CC2D1A: variants seen among roughly 807,000 people sequenced by gnomAD.
The protein encoded by CC2D1A is coiled-coil and C2 domain-containing protein 1A.
In CC2D1A, 68 loss-of-function variants were observed where a neutral mutation model predicts 123.8. That is an observed-to-expected ratio of 0.55 (90% CI 0.45 to 0.67). The LOEUF is 0.67. Among genes scored for constraint, CC2D1A ranks in the 30% least tolerant of loss-of-function variants. CC2D1A has a pLI of 0.00. For synonymous variants in CC2D1A, 477 were observed against 528.0 expected, an observed-to-expected ratio of 0.90 and a Z score of 1.32; for missense variants, 1,185 against 1,290.3, an observed-to-expected ratio of 0.92 and a Z score of 1.25.
At chr19:13,918,216 G>A (rs780152234) in intron 7 of CC2D1A, 22 bp downstream of exon 7, 3 of 1,531,492 alleles carry the variant, frequency 2.0e-6, no homozygotes, top group South Asian at 1.2e-5. Flanking sequence ...CTGACGGACA[G>A]GACTGGAGGG....
At chr19:13,928,910 T>C (rs942543406) in intron 24 of CC2D1A, among the ~76,000 whole-genome samples, 15 of 151,970 alleles carry the variant, frequency 9.9e-5, no homozygotes, top group African/African-American at 3.6e-4. Flanking sequence ...GGTTTCTCCA[T>C]GTTGGTCAGG....
Position 13,927,039 on chromosome 19 carries a change from C to A in CC2D1A, c.2187C>A (p.Ile729=), listed in dbSNP as rs957465946. ...NRSHRGFRRA[I]QTKGIKFEVV... ...GCCACCGTGGCTTCCGAAGGGCCAT[C>A]CAGACCAAGGGCATCAAGTTCGAAG... The change falls in exon 21 of 29, where the codon ATC becomes ATA. Residue 729 remains isoleucine, a synonymous_variant. Transcript: ENST00000318003. 1.5e-5 allele frequency: 24 copies of A among 1,614,138 alleles called. No individual in the cohort carries two copies. Among genetic ancestry groups the A allele is most frequent in the Non-Finnish European group, 2.0e-5 (24 of 1,180,028 alleles).
intron 14 of CC2D1A, among the ~76,000 whole-genome samples, chr19:13,921,983 G>A (rs1298586692): frequency 6.6e-6 from 1 of 151,716 alleles, no homozygotes; most frequent in South Asian, 2.1e-4. Context: ...CCCTTGCCTG[G>A]TCTCTTTCTT....
At chr19:13,925,959 TACAC>T (rs1243133194) in intron 17 of CC2D1A, among the ~76,000 whole-genome samples, 23 of 120,398 alleles carry the variant, frequency 1.9e-4, no homozygotes, top group African/African-American at 8.8e-4. Flanking sequence ...TATATATATA[TACAC>T]GTATATATAT....
In CC2D1A at chr19:13,927,282, C is replaced by T; in HGVS notation, c.2316+17C>T. On this transcript the variant is annotated intron_variant, in intron 22 of 28. Transcript: ENST00000318003. ...ATCCTTGAGGTGAGAGGTGGACATT[C>T]ATCCGCGTGCTCCGGTATGGCCATG... 1 of 1,593,518 alleles carries T rather than the reference C, an allele frequency of 6.3e-7. No homozygotes were observed. The highest frequency in any genetic ancestry group is 8.6e-7 in the Non-Finnish European group (1 of 1,161,326).
chr19:13,911,255 G>A (rs1392616663), intron 2 of CC2D1A, among the ~76,000 whole-genome samples: 2 of 152,132 alleles, frequency 1.3e-5, no homozygotes, highest in Admixed American at 6.6e-5. Flanking sequence ...AGATTCACAG[G>A]AACCTAAGCT....
rs1241488940 is a variant in CC2D1A, at chr19:13,926,883, G to C, written c.2125+11G>C. 1.2e-6 allele frequency: 2 copies of C among 1,613,912 alleles called. No homozygotes were observed. Among genetic ancestry groups the C allele is most frequent in the Admixed American group, 3.3e-5 (2 of 59,986 alleles). On this transcript the variant is annotated intron_variant, in intron 20 of 28. Transcript: ENST00000318003. ...ACACAGACTCCCCTGGTGAGCCTCG[G>C]CTGGAAGCACCCTACCCCTACTCCC...
Position 13,928,163 on chromosome 19 carries a change from G to A in CC2D1A, c.2494G>A (p.Ala832Thr). The A allele has an allele frequency of 1.2e-6, 2 of 1,613,446 alleles. No homozygotes were observed. Among genetic ancestry groups the A allele is most frequent in the South Asian group, 2.2e-5 (2 of 91,068 alleles). Residue 832 changes from alanine (A) to threonine (T), a missense_variant, in exon 24 of 29, where the codon GCC becomes ACC. Transcript: ENST00000318003. ...CAAAGGGAAGGCCCCTCCTGTGCCT[G>A]CCCCTGCAAGGGAGTCAGGGAACAG... ...GPKGKAPPVP[A>T]PARESGNRSA... is the part of the protein sequence containing the mutation.
intron 2 of CC2D1A, among the ~76,000 whole-genome samples, chr19:13,911,250 C>A (rs1376484414): frequency 6.6e-6 from 1 of 152,138 alleles, no homozygotes; most frequent in Non-Finnish European, 1.5e-5. Context: ...ACTGGAGATT[C>A]ACAGGAACCT....
At chr19:13,917,605 A>G (rs941644982) in intron 6 of CC2D1A, among the ~76,000 whole-genome samples, 2 of 151,902 alleles carry the variant, frequency 1.3e-5, no homozygotes, top group African/African-American at 4.8e-5. Context: ...TTAGCCAGAA[A>G]TTGGGAGGCG....
chr19:13,920,248 C>T, intron 12 of CC2D1A: 3 of 515,496 alleles, frequency 5.8e-6, no homozygotes, highest in Non-Finnish European at 1.0e-5. Flanking sequence ...AAGACCTCAT[C>T]TCCAAGACAA....
At chr19:13,924,126 C>G (rs769166071) in intron 17 of CC2D1A, among the ~76,000 whole-genome samples, 3 of 152,124 alleles carry the variant, frequency 2.0e-5, no homozygotes, top group Non-Finnish European at 4.4e-5. Flanking sequence ...TTGGTACTAT[C>G]AAGTCTTCCC....
At chr19:13,912,890 C>T (rs964618455) in intron 4 of CC2D1A, among the ~76,000 whole-genome samples, 2 of 152,184 alleles carry the variant, frequency 1.3e-5, no homozygotes, top group African/African-American at 2.4e-5. Flanking sequence ...AAGTGATCCA[C>T]CTGCCTTGGC....
chr19:13,913,358 C>T (rs537472455), intron 5 of CC2D1A, 46 bp from the exon 6 acceptor site: 1 of 1,608,180 alleles, frequency 6.2e-7, no homozygotes, highest in Non-Finnish European at 8.5e-7. Flanking sequence ...ATGCCCTGCA[C>T]CAAGCTCTTG....
chr19:13,917,313 A>G (rs553893168), intron 6 of CC2D1A, among the ~76,000 whole-genome samples: 11 of 152,190 alleles, frequency 7.2e-5, no homozygotes, highest in Non-Finnish European at 1.2e-4. Context: ...CTACAAAAAA[A>G]AATAAAAAAC....
intron 2 of CC2D1A, among the ~76,000 whole-genome samples, chr19:13,910,695 G>A (rs1599379003): frequency 6.6e-6 from 1 of 152,144 alleles, no homozygotes; most frequent in Non-Finnish European, 1.5e-5. Context: ...CAGATCACTT[G>A]GGGCCAGGAG....
Position 13,923,877 on chromosome 19 carries a change from T to G in CC2D1A, c.1940+66T>G. ...GCCCTTTGGTGGCGGTGGGGCGGGTTGTGCTCCCCAGAAGCTGGCACAAGA... is the reference window on the plus strand; with the variant it reads ...GCCCTTTGGTGGCGGTGGGGCGGGTGGTGCTCCCCAGAAGCTGGCACAAGA... On this transcript the variant is annotated intron_variant, in intron 17 of 28. Transcript: ENST00000318003. The surrounding 1 kb of genome is among the most constrained non-coding windows in gnomAD (Gnocchi z 5.3). 13 of 1,206,154 alleles carry G rather than the reference T, an allele frequency of 1.1e-5. No homozygotes were observed. The highest frequency in any genetic ancestry group is 1.5e-5 in the Non-Finnish European group (12 of 815,066). The allele number at this position is 1,206,154 out of a possible 1,614,324, so 74.7% of individuals were successfully genotyped here.
intron 1 of CC2D1A, among the ~76,000 whole-genome samples, chr19:13,908,475 T>A (rs544284106): frequency 6.7e-6 from 1 of 150,164 alleles, no homozygotes; most frequent in East Asian, 2.0e-4. Context: ...TTGCTCTTCT[T>A]TTTTTTTTGG....
At chr19:13,916,042 G>A (rs1309839902) in intron 6 of CC2D1A, among the ~76,000 whole-genome samples, 1 of 151,900 alleles carries the variant, frequency 6.6e-6, no homozygotes, top group Non-Finnish European at 1.5e-5. Context: ...GATCACTTGA[G>A]GCCAGGAGTT....
Sources: gnomAD v4.1 joint callset for allele counts (sites outside exome capture counted in the v4.1 genomes callset) on GRCh38, gnomAD v4.1.1 for gene constraint, Gnocchi (gnomAD v3.1) non-coding constraint, MANE v1.5 for transcripts, NCBI Gene and HGNC (gene_info 2026-07-23, HGNC 2026-07-21) for gene names.